Variants in SYNE2 observed in about 807,000 individuals in gnomAD.
The protein encoded by SYNE2 is spectrin repeat containing nuclear envelope protein 2.
SYNE2 carries 431 observed loss-of-function variants against 856.3 expected under a neutral mutation model. The observed-to-expected ratio is 0.50, with a 90% CI of 0.47 to 0.55. The LOEUF (loss-of-function observed/expected upper bound fraction) is 0.55. Ranked by LOEUF, SYNE2 falls within the 20% of genes least tolerant of loss-of-function variation. The pLI is 0.00. For missense variants in SYNE2, 8,129 were observed against 8,023.2 expected, an observed-to-expected ratio of 1.01 and a Z score of -0.50; for synonymous variants, 2,923 against 2,872.3, an observed-to-expected ratio of 1.02 and a Z score of -0.56.
In SYNE2 at chr14:64,158,733, G is replaced by A; in HGVS notation, c.15901G>A (p.Glu5301Lys). Reference protein sequence around the residue: ...MMTIRFWYCMEHSKPVVLSLE... With the variant: ...MMTIRFWYCMKHSKPVVLSLE... ...GACAATCCGATTCTGGTACTGCATG[G>A]AACACAGCAAGCCTGTGGTGTTATC... is the stretch of plus-strand genomic sequence containing the variant. Residue 5301 changes from glutamate to lysine, a missense_variant, in exon 86 of 116, where the codon GAA becomes AAA. By Grantham distance (56) the Glu-to-Lys change is moderately conservative. Coordinates refer to ENST00000555002, the MANE Select transcript of SYNE2 (RefSeq NM_182914.3). The A allele has an allele frequency of 9.9e-6, 16 of 1,614,002 alleles. No individual in the cohort carries two copies. The highest frequency in any genetic ancestry group is 1.4e-5 in the Non-Finnish European group (16 of 1,179,944).
At chr14:64,030,995 C>T (rs2097030003) in intron 44 of SYNE2, 21 bp from the exon 45 acceptor site, 10 of 1,563,566 alleles carry the variant, frequency 6.4e-6, no homozygotes, top group South Asian at 3.3e-5. Flanking sequence ...GGAGATATAA[C>T]AATCTTTTCT....
In SYNE2 at chr14:63,777,447, A is replaced by G. The variant is rs776939932; in HGVS notation, c.-305+15461A>G. ...AACTTTGAGAGGCTGAGGTGGGAGG[A>G]TTGCTTGTGCTCAGGAGTTCAAGGC... On this transcript the variant is annotated intron_variant, in intron 1 of 23. Transcript: ENST00000674003. Among the ~76,000 whole-genome samples, 52 of 152,082 alleles carry G rather than the reference A, an allele frequency of 3.4e-4. 1 individual carries two copies. Among genetic ancestry groups the G allele is most frequent in the Non-Finnish European group, 7.4e-5 (5 of 68,014 alleles).
chr14:64,013,134 G>A (rs17101554), intron 32 of SYNE2, among the ~76,000 whole-genome samples: 8,648 of 152,168 alleles, frequency 0.057, 285 homozygotes, highest in Admixed American at 0.094. Flanking sequence ...AAAACCCATA[G>A]TTCTGCCAAT....
At chr14:63,841,227 T>C (rs564452853) in intron 1 of SYNE2, among the ~76,000 whole-genome samples, 73 of 152,206 alleles carry the variant, frequency 4.8e-4, no homozygotes, top group Non-Finnish European at 8.7e-4. Context: ...ACCACAGATG[T>C]TGCTCAGTTG....
At chr14:63,990,152 T>C (rs1284282404) in intron 19 of SYNE2, among the ~76,000 whole-genome samples, 1 of 152,260 alleles carries the variant, frequency 6.6e-6, no homozygotes. Context: ...AGTTTCTTTC[T>C]ATTGTCATTG....
At chr14:64,163,003 C>A (rs1221604404) in intron 88 of SYNE2, among the ~76,000 whole-genome samples, 1 of 152,186 alleles carries the variant, frequency 6.6e-6, no homozygotes, top group Non-Finnish European at 1.5e-5. Context: ...TCTATAGTTT[C>A]TGCACGTGAA....
chr14:64,016,172 CAGAT>C (rs2096890533), intron 32 of SYNE2, among the ~76,000 whole-genome samples: 1 of 151,218 alleles, frequency 6.6e-6, no homozygotes, highest in Non-Finnish European at 1.5e-5. Context: ...CTTTTTTTGG[CAGAT>C]AGAATCTTAT....
Position 63,963,975 on chromosome 14 carries a change from A to G in SYNE2, c.965A>G (p.Asn322Ser), listed in dbSNP as rs199504765. Residue 322 changes from asparagine to serine, a missense_variant, in exon 10 of 116, where the codon AAT (asparagine) becomes AGT (serine). Around this residue, in one of 3 missense-constraint regions of SYNE2, gnomAD observed 2,422 missense variants for 2,357.4 expected, o/e 1.03. Coordinates refer to ENST00000555002, the MANE Select transcript of SYNE2 (RefSeq NM_182914.3). Reference sequence around the variant, plus strand: ...CAGAAGTTGCTAAAGGATTCAGAGAATGATACCTACTTTAAAAAGTATAAT... The same window carrying G: ...CAGAAGTTGCTAAAGGATTCAGAGAGTGATACCTACTTTAAAAAGTATAAT... ...KLQKLLKDSE[N>S]DTYFKKYNSL... 8.1e-6 allele frequency: 13 copies of G among 1,605,528 alleles called. No individual in the cohort carries two copies. In the African/African-American group the frequency reaches 1.2e-4, roughly 15 times the overall value.
At chr14:63,932,418 G>A (rs1458828309) in intron 2 of SYNE2, among the ~76,000 whole-genome samples, 7 of 151,924 alleles carry the variant, frequency 4.6e-5, no homozygotes, top group Non-Finnish European at 8.8e-5. Flanking sequence ...AAAGAAAGGG[G>A]ACTTTTGGCT....
At chr14:63,794,308 G>A (rs1028925774) in intron 1 of SYNE2, among the ~76,000 whole-genome samples, 6 of 151,980 alleles carry the variant, frequency 3.9e-5, no homozygotes, top group Non-Finnish European at 8.8e-5. Flanking sequence ...CACAACCTCC[G>A]CCTCCTGAGT....
At chr14:64,082,098 G>C (rs2097528869) in intron 57 of SYNE2, among the ~76,000 whole-genome samples, 1 of 150,904 alleles carries the variant, frequency 6.6e-6, no homozygotes, top group Non-Finnish European at 1.5e-5. Flanking sequence ...AAAAAAAAAA[G>C]AATGTGCATA....
At chr14:63,923,833 C>G (rs2095628951) in intron 2 of SYNE2, among the ~76,000 whole-genome samples, 1 of 151,668 alleles carries the variant, frequency 6.6e-6, no homozygotes, top group Non-Finnish European at 1.5e-5. Context: ...CAGTGTCTCA[C>G]TGTCACCCAG....
In SYNE2 at chr14:63,993,865, C is replaced by G; in HGVS notation, c.2677C>G (p.Leu893Val). ...EALIISNTKSLAKYLKAVEEL... is the reference protein window; with the variant it reads ...EALIISNTKSVAKYLKAVEEL... ...ACTAATAATTTCTAATACAAAAAGT[C>G]TGGCCAAGTATTTGAAAGCTGTTGA... Residue 893 changes from leucine to valine, a missense_variant, in exon 22 of 116, where the codon CTG (leucine) becomes GTG (valine). Leu to Val is a conservative substitution (Grantham distance 32). Around this residue, in one of 3 missense-constraint regions of SYNE2, gnomAD observed 2,422 missense variants for 2,357.4 expected, o/e 1.03. Transcript: ENST00000555002. The G allele has an allele frequency of 6.2e-7, 1 of 1,606,482 alleles. No homozygotes were observed.
At chr14:64,099,099 T>G in intron 63 of SYNE2, 1 of 417,134 alleles carries the variant, frequency 2.4e-6, no homozygotes, top group South Asian at 2.3e-5. Flanking sequence ...CTGAGGACTT[T>G]CTCTGAAGTT....
chr14:64,022,622 T>G (rs2096944065), intron 37 of SYNE2, 129 bp from the exon 38 acceptor site: 2 of 703,228 alleles, frequency 2.8e-6, no homozygotes. Flanking sequence ...AAATTGGGTT[T>G]CAGAGGTTAT....
rs577426023 is a variant in SYNE2, at chr14:63,880,927, A to C, written c.-52+27784A>C. Among the ~76,000 whole-genome samples, 6 of 151,516 alleles carry C rather than the reference A, an allele frequency of 4.0e-5. No homozygotes were observed. In the South Asian group the frequency reaches 1.0e-3, roughly 26 times the overall value. ...AGTGGTGCGATGTCGGCTCACTGCA[A>C]CCTCTCTCTCCCGAGTTCAAGCAAT... is the stretch of plus-strand genomic sequence containing the variant. On this transcript the variant is annotated intron_variant, in intron 1 of 115. Transcript: ENST00000555002.
Position 64,209,959 on chromosome 14 carries a change from T to C in SYNE2, c.18558T>C (p.Ile6186=). The change falls in exon 103 of 116, where the codon ATT becomes ATC. Residue 6186 remains isoleucine, a synonymous_variant. Transcript: ENST00000555002. ...TGATGCAGGCCTTTCAGCGGCAGAT[T>C]CATGAGCGGCTCACTCAGCTGGAGC... The part of the protein sequence containing the change: ...LKRFEAFQRQ[I]HERLTQLELI... The C allele has an allele frequency of 6.2e-7, 1 of 1,614,070 alleles. No individual in the cohort carries two copies. The highest frequency in any genetic ancestry group is 8.5e-7 in the Non-Finnish European group (1 of 1,180,000).
chr14:64,062,650 T>C, intron 49 of SYNE2, 101 bp from the exon 50 acceptor site: 1 of 1,201,420 alleles, frequency 8.3e-7, no homozygotes, highest in Non-Finnish European at 1.2e-6. Flanking sequence ...TGTCATATCT[T>C]TTCTTAAAAA....
Position 64,107,521 on chromosome 14 carries a change from A to T in SYNE2, c.12523A>T (p.Asn4175Tyr). The part of the protein sequence containing the change: ...EAYGKISTSD[N>Y]SMAQILTPDS... ...ATATGGGAAAATAAGCACCTCTGAT[A>T]ATTCCATGGCACAAATCCTCACACC... Residue 4175 changes from asparagine (N) to tyrosine (Y), a missense_variant, in exon 65 of 116, where the codon AAT becomes TAT. By Grantham distance (143) the Asn-to-Tyr change is moderately radical. This residue lies in a region of SYNE2 where 5,410 missense variants were observed against 5,284.8 expected (regional missense o/e 1.02). Transcript: ENST00000555002. The T allele has an allele frequency of 6.2e-7, 1 of 1,614,182 alleles. No homozygotes were observed. The highest frequency in any genetic ancestry group is 8.5e-7 in the Non-Finnish European group (1 of 1,180,022).
Sources: allele counts gnomAD v4.1 joint callset (sites outside exome capture counted in the v4.1 genomes callset), GRCh38; gene constraint gnomAD v4.1.1; regional missense constraint gnomAD v4.1.1; transcripts MANE v1.5; gene names NCBI Gene and HGNC (gene_info 2026-07-23, HGNC 2026-07-21).